Variants in VCAN observed in about 807,000 individuals in gnomAD.
VCAN encodes the protein versican.
A neutral mutation model predicts 245.5 loss-of-function variants in VCAN; 44 were observed. The ratio of observed to expected loss-of-function variants is 0.18; its 90% confidence interval spans 0.14 to 0.23. The LOEUF (loss-of-function observed/expected upper bound fraction) is 0.23, where lower values mean the gene tolerates loss of function less well. Ranked by LOEUF, VCAN falls within the 10% of genes least tolerant of loss-of-function variation. The probability of loss-of-function intolerance (pLI) is 1.00; values close to 1 mark genes in which losing one functional copy is unlikely to be tolerated. For missense variants in VCAN, 3,793 were observed against 4,057.9 expected (o/e 0.93, Z 1.77); for synonymous variants, 1,413 against 1,437.0 (o/e 0.98, Z 0.38).
In VCAN at chr5:83,545,561, C is replaced by G. The variant is rs753596478; in HGVS notation, c.9290C>G (p.Pro3097Arg). ...GGACCTGATCGCTGCAAAATGAACC[C>G]GTGCCTTAACGGAGGCACCTGTTAT... is the stretch of plus-strand genomic sequence containing the variant. ...LPGPDRCKMN[P>R]CLNGGTCYPT... Residue 3097 changes from proline to arginine, a missense_variant, in exon 9 of 15, where the codon CCG (proline) becomes CGG (arginine). By Grantham distance (103) the Pro-to-Arg change is moderately radical (BLOSUM62 -2). Transcript: ENST00000265077. The G allele has an allele frequency of 1.2e-6, 2 of 1,613,942 alleles. No homozygotes were observed. The highest frequency in any genetic ancestry group is 2.7e-5 in the African/African-American group (2 of 74,906).
At chr5:83,522,644 G>C (rs540539098) in intron 7 of VCAN, among the ~76,000 whole-genome samples, 1 of 152,278 alleles carries the variant, frequency 6.6e-6, no homozygotes, top group African/African-American at 2.4e-5. Flanking sequence ...CTCAAGTGTA[G>C]CACTAGACTG....
At chr5:83,489,590 A>G (rs150084851) in intron 2 of VCAN, among the ~76,000 whole-genome samples, 5 of 152,298 alleles carry the variant, frequency 3.3e-5, no homozygotes, top group African/African-American at 1.2e-4. Flanking sequence ...TTCCAGTCCT[A>G]TGAAGCACTT....
chr5:83,472,407 C>G (rs756098747), intron 1 of VCAN, among the ~76,000 whole-genome samples: 19 of 152,082 alleles, frequency 1.2e-4, no homozygotes, highest in South Asian at 2.1e-4. Context: ...TGTTGTTGTT[C>G]TTAACACGCT....
chr5:83,493,477 A>G (rs1334452967), intron 3 of VCAN, 69 bp from the exon 4 acceptor site: 7 of 1,600,070 alleles, frequency 4.4e-6, no homozygotes, highest in Middle Eastern at 2.2e-4. Flanking sequence ...CATTGCTCCA[A>G]TGAGAAATTT....
chr5:83,521,730 A>G lies in VCAN; in HGVS notation c.3424A>G (p.Thr1142Ala), dbSNP rs764151862. 1.2e-6 allele frequency: 2 copies of G among 1,614,074 alleles called. No homozygotes were observed. The highest frequency in any genetic ancestry group is 3.3e-5 in the Admixed American group (2 of 60,016). Reference sequence around the variant, plus strand: ...TCCAGGGCCTGAACAAAAATATGAAACAGAAGGTAGTAGTACAACAGGATT... The same window carrying G: ...TCCAGGGCCTGAACAAAAATATGAAGCAGAAGGTAGTAGTACAACAGGATT... ...LSPGPEQKYE[T>A]EGSSTTGFTS... The change falls in exon 7 of 15, where the codon ACA (threonine) becomes GCA (alanine). Residue 1142 changes from threonine to alanine, a missense_variant. Thr to Ala is a moderately conservative substitution (Grantham distance 58). Transcript: ENST00000265077.
At position 83,538,810 on chromosome 5, in the gene VCAN, GTGACTT is replaced by G; in HGVS notation, c.5809_5814del (p.Asp1937_Phe1938del). 1 of 1,613,922 alleles carries G rather than the reference GTGACTT, an allele frequency of 6.2e-7. No homozygotes were observed. The highest frequency in any genetic ancestry group is 1.3e-5 in the African/African-American group (1 of 75,032). On this transcript the variant is annotated inframe_deletion, in exon 8 of 15. Coordinates refer to ENST00000265077, the MANE Select transcript of VCAN (RefSeq NM_004385.5). ...TTTCCTTTGGAGGAAGATTTCAGTG[GTGACTT>G]TAGAGAATACTCAACAGTGTCTCAT...
At chr5:83,563,403 C>A (rs1045247357) in intron 12 of VCAN, among the ~76,000 whole-genome samples, 3 of 152,128 alleles carry the variant, frequency 2.0e-5, no homozygotes, top group African/African-American at 7.2e-5. Context: ...TGTACACCAG[C>A]CATCTAGGGA....
At chr5:83,484,292 C>T (rs912120285) in intron 2 of VCAN, among the ~76,000 whole-genome samples, 4 of 152,098 alleles carry the variant, frequency 2.6e-5, no homozygotes, top group African/African-American at 9.7e-5. Flanking sequence ...AAGTTTAAGT[C>T]ATCCATCTAT....
chr5:83,535,913 C>T (rs1196619513), intron 7 of VCAN: 1 of 152,152 alleles, frequency 6.6e-6, no homozygotes, highest in Admixed American at 6.6e-5. Context: ...TCCACAGGCA[C>T]ATTTTCATAC....
At chr5:83,546,933 CA>C (rs1274042637) in intron 9 of VCAN, among the ~76,000 whole-genome samples, 2 of 152,200 alleles carry the variant, frequency 1.3e-5, no homozygotes, top group Admixed American at 1.3e-4. Flanking sequence ...CTAATTTCAT[CA>C]GGGGAGATCA....
chr5:83,515,428 A>G (rs1318262568), intron 6 of VCAN, among the ~76,000 whole-genome samples: 1 of 152,230 alleles, frequency 6.6e-6, no homozygotes, highest in Admixed American at 6.5e-5. Flanking sequence ...CTTCACTCTC[A>G]GATAATTTTT....
chr5:83,545,753 T>C lies in VCAN; in HGVS notation c.9379+103T>C. 1.3e-5 allele frequency: 12 copies of C among 941,442 alleles called. No individual in the cohort carries two copies. The South Asian group carries it at 1.6e-4, about 12-fold the overall frequency. The allele number at this position is 941,442 out of a possible 1,614,324, so 58.3% of individuals were successfully genotyped here. A position where few individuals can be genotyped will look rare whatever the true frequency, so the allele number is the denominator to read the frequency against. On this transcript the variant is annotated intron_variant, in intron 9 of 14. Transcript: ENST00000265077. ...ATCAGAGATTTCAAAGAAACCCATATGAAGATTAATTATATGTTAAATGAA... is the reference window on the plus strand; with the variant it reads ...ATCAGAGATTTCAAAGAAACCCATACGAAGATTAATTATATGTTAAATGAA...
intron 12 of VCAN, among the ~76,000 whole-genome samples, chr5:83,558,945 T>C (rs893615878): frequency 5.3e-5 from 8 of 152,166 alleles, no homozygotes; most frequent in African/African-American, 1.9e-4. Context: ...TATATTAAGA[T>C]TATTTCTTTT....
intron 12 of VCAN, among the ~76,000 whole-genome samples, chr5:83,557,319 C>G (rs1196530976): frequency 3.9e-5 from 6 of 152,058 alleles, no homozygotes; most frequent in Non-Finnish European, 7.4e-5. Context: ...TTATTCTGGT[C>G]TCTCCCTTAG....
intron 12 of VCAN, among the ~76,000 whole-genome samples, chr5:83,558,811 G>C (rs972956014): frequency 6.6e-6 from 1 of 152,116 alleles, no homozygotes; most frequent in African/African-American, 2.4e-5. Context: ...TTGATGAAAT[G>C]CCAAATTCTC....
chr5:83,557,645 T>A (rs374422978), intron 12 of VCAN, among the ~76,000 whole-genome samples: 1 of 152,156 alleles, frequency 6.6e-6, no homozygotes, highest in African/African-American at 2.4e-5. Context: ...CAGTGACTAT[T>A]TCCATAGTCT....
At chr5:83,523,462 G>A (rs1746178040) in intron 7 of VCAN, among the ~76,000 whole-genome samples, 1 of 148,068 alleles carries the variant, frequency 6.8e-6, no homozygotes. Flanking sequence ...ATTCCCTTTC[G>A]AGTATCATTT....
At chr5:83,498,896 T>C (rs1485606395) in intron 5 of VCAN, among the ~76,000 whole-genome samples, 2 of 152,210 alleles carry the variant, frequency 1.3e-5, no homozygotes, top group African/African-American at 2.4e-5. Context: ...GTGTTGGTTT[T>C]GTTGGCTTCT....
chr5:83,490,972 A>G (rs1183027684), intron 3 of VCAN, among the ~76,000 whole-genome samples: 1 of 152,182 alleles, frequency 6.6e-6, no homozygotes, highest in Non-Finnish European at 1.5e-5. Flanking sequence ...ACTTATACCG[A>G]AGAAATAAGG....
Sources: gnomAD v4.1 joint callset for allele counts (sites outside exome capture counted in the v4.1 genomes callset) on GRCh38, gnomAD v4.1.1 for gene constraint, MANE v1.5 for transcripts, NCBI Gene and HGNC (gene_info 2026-07-23, HGNC 2026-07-21) for gene names.